Variants in SMIM36 observed in about 807,000 individuals in gnomAD.
The protein encoded by SMIM36 is small integral membrane protein 36.
intron 4 of SMIM36, among the ~76,000 whole-genome samples, chr17:55,460,971 G>C (rs1909140051): frequency 6.6e-6 from 1 of 152,208 alleles, no homozygotes; most frequent in Admixed American, 6.5e-5. Context: ...GAGAAAATCT[G>C]GGAGAAGGAG....
chr17:55,475,959 C>T (rs1041756972), intron 3 of SMIM36, among the ~76,000 whole-genome samples: 18 of 152,236 alleles, frequency 1.2e-4, no homozygotes, highest in South Asian at 4.2e-4. Context: ...TAATCCCGCT[C>T]GAAGCAGCCC....
At chr17:55,471,048 C>T (rs1309453128) in intron 3 of SMIM36, among the ~76,000 whole-genome samples, 1 of 152,154 alleles carries the variant, frequency 6.6e-6, no homozygotes, top group Non-Finnish European at 1.5e-5. Context: ...CTCCTATCTT[C>T]AATACCCCCT....
chr17:55,524,271 A>G, the SMIM36 span, among the ~76,000 whole-genome samples: 4 of 152,174 alleles, frequency 2.6e-5, no homozygotes, highest in African/African-American at 9.7e-5. Context: ...TTTTATGGCT[A>G]TGCAGCATTC....
At chr17:55,519,753 C>T in the SMIM36 span, among the ~76,000 whole-genome samples, 2 of 152,082 alleles carry the variant, frequency 1.3e-5, no homozygotes, top group Non-Finnish European at 2.9e-5. Context: ...AGGCATTTGG[C>T]GAGTAAGTCT....
intron 1 of SMIM36, among the ~76,000 whole-genome samples, chr17:55,509,203 C>T (rs548066162): frequency 6.6e-6 from 1 of 152,264 alleles, no homozygotes; most frequent in East Asian, 1.9e-4. Flanking sequence ...CCAGGCCCTC[C>T]TCTTCAGTTT....
intron 1 of SMIM36, among the ~76,000 whole-genome samples, chr17:55,489,893 G>A (rs189767437): frequency 4.6e-5 from 7 of 151,292 alleles, no homozygotes; most frequent in Admixed American, 1.3e-4. Flanking sequence ...CTGTCGCCCC[G>A]GCTGGAGTGC....
the SMIM36 span, among the ~76,000 whole-genome samples, chr17:55,521,857 C>CTTT: frequency 0.015 from 2,125 of 141,200 alleles, 35 homozygotes; most frequent in South Asian, 0.029. Flanking sequence ...ACCGCTTTGA[C>CTTT]TTTTTTTTTT....
At chr17:55,480,963 C>T (rs1279803303) in intron 1 of SMIM36, among the ~76,000 whole-genome samples, 2 of 152,146 alleles carry the variant, frequency 1.3e-5, no homozygotes, top group Admixed American at 1.3e-4. Flanking sequence ...ATTTAGCTGT[C>T]TTACAGTCAT....
intron 3 of SMIM36, among the ~76,000 whole-genome samples, chr17:55,472,177 C>T (rs1177050775): frequency 2.6e-5 from 4 of 152,108 alleles, no homozygotes; most frequent in African/African-American, 9.7e-5. Flanking sequence ...AATTCCAAAC[C>T]TAGACCACAC....
intron 3 of SMIM36, among the ~76,000 whole-genome samples, chr17:55,474,835 C>A (rs528504522): frequency 6.6e-6 from 1 of 152,168 alleles, no homozygotes; most frequent in South Asian, 2.1e-4. Context: ...TGAAAAATTT[C>A]GAAAAGGGAT....
chr17:55,470,863 G>T (rs1909330158), intron 3 of SMIM36, among the ~76,000 whole-genome samples: 1 of 152,054 alleles, frequency 6.6e-6, no homozygotes, highest in South Asian at 2.1e-4. Flanking sequence ...AAGGGTTAAA[G>T]CCTGTTACCA....
chr17:55,525,099 G>C, the SMIM36 span, among the ~76,000 whole-genome samples: 1 of 152,194 alleles, frequency 6.6e-6, no homozygotes, highest in African/African-American at 2.4e-5. Context: ...GCCTGCACCT[G>C]TAACTTCTAT....
chr17:55,494,066 G>A (rs1909764228), intron 1 of SMIM36, among the ~76,000 whole-genome samples: 1 of 152,088 alleles, frequency 6.6e-6, no homozygotes, highest in Admixed American at 6.6e-5. Context: ...TCTAGGAACA[G>A]TTTGTTTCCA....
the SMIM36 span, among the ~76,000 whole-genome samples, chr17:55,518,634 A>G: frequency 6.6e-6 from 1 of 152,090 alleles, no homozygotes; most frequent in Admixed American, 6.6e-5. Flanking sequence ...AATTTTGAGG[A>G]GTTTGGTTGT....
At chr17:55,521,750 C>T in the SMIM36 span, among the ~76,000 whole-genome samples, 7 of 152,132 alleles carry the variant, frequency 4.6e-5, no homozygotes, top group East Asian at 5.8e-4. Flanking sequence ...GAAAGCAATC[C>T]GGAGAGGGAG....
intron 1 of SMIM36, among the ~76,000 whole-genome samples, chr17:55,493,642 T>C (rs917582496): frequency 3.3e-5 from 5 of 150,944 alleles, no homozygotes; most frequent in East Asian, 2.1e-4. Flanking sequence ...AAACCCCATC[T>C]CTACAAAAAA....
chr17:55,513,822 A>G (rs992100074), upstream of SMIM36, among the ~76,000 whole-genome samples: 3 of 152,212 alleles, frequency 2.0e-5, no homozygotes, highest in Non-Finnish European at 1.5e-5. Context: ...GAGTTTTCAT[A>G]TCAGATCTAG....
upstream of SMIM36, among the ~76,000 whole-genome samples, chr17:55,512,641 G>A (rs1018573091): frequency 5.3e-5 from 8 of 152,238 alleles, no homozygotes; most frequent in African/African-American, 1.9e-4. Flanking sequence ...GCTGCACAAC[G>A]TTCCATTCTC....
the SMIM36 span, among the ~76,000 whole-genome samples, chr17:55,523,496 C>T: frequency 6.7e-6 from 1 of 149,540 alleles, no homozygotes; most frequent in Non-Finnish European, 1.5e-5. Flanking sequence ...TGCCATTGCA[C>T]TCCAGCTTGG....
Sources: allele counts gnomAD v4.1 joint callset (sites outside exome capture counted in the v4.1 genomes callset), GRCh38; gene constraint gnomAD v4.1.1; transcripts MANE v1.5; gene names NCBI Gene and HGNC (gene_info 2026-07-23, HGNC 2026-07-21).